Variants in KLHDC4 observed in about 807,000 individuals in gnomAD.
The protein encoded by KLHDC4 is kelch domain-containing protein 4.
A neutral mutation model predicts 62.4 loss-of-function variants in KLHDC4; 90 were observed. The ratio of observed to expected loss-of-function variants is 1.44; its 90% CI spans 1.22 to 1.72. KLHDC4 has a LOEUF of 1.72. Among genes scored for constraint, KLHDC4 ranks in the 40% most tolerant of loss-of-function variants. The pLI is 0.00. For missense variants in KLHDC4, 1,025 were observed against 699.7 expected (o/e 1.47, Z -5.25); for synonymous variants, 386 against 284.4 (o/e 1.36, Z -3.59).
At chr16:87,735,385 G>A (rs914341002) in intron 5 of KLHDC4, among the ~76,000 whole-genome samples, 9 of 151,840 alleles carry the variant, frequency 5.9e-5, no homozygotes, top group Non-Finnish European at 1.2e-4. Flanking sequence ...AGAACCGAGC[G>A]CTGCCACTGC....
downstream of KLHDC4, among the ~76,000 whole-genome samples, chr16:87,706,382 CGTGGGGGGGTTGGT>C (rs144015326): frequency 0.028 from 2,714 of 95,424 alleles, 110 homozygotes; most frequent in African/African-American, 0.11. Context: ...GGGGGGTCGG[CGTGGGGGGGTTGGT>C]CGGCACAACA....
rs140970994 is a variant in KLHDC4 at position 87,727,465 on chromosome 16, G to T, written c.600-541C>A. 2.0e-5 allele frequency among the ~76,000 whole-genome samples: 3 copies of T among 152,298 alleles called. No individual in the cohort carries two copies. In the East Asian group the frequency reaches 5.8e-4, roughly 29 times the overall value. On this transcript the variant is annotated intron_variant, in intron 6 of 11. Coordinates refer to ENST00000270583, the MANE Select transcript of KLHDC4 (RefSeq NM_017566.4). ...GGTAAGGCCCCACAGTGGACTGGAG[G>T]GGTGAGCGAGGGGACTGGGCGCTCC...
At chr16:87,720,339 C>T (rs929362956) in intron 7 of KLHDC4, among the ~76,000 whole-genome samples, 2 of 152,162 alleles carry the variant, frequency 1.3e-5, no homozygotes, top group Non-Finnish European at 1.5e-5. Flanking sequence ...TCCAAGCGGA[C>T]GTGTGTGAAC....
At chr16:87,754,744 T>G (rs1486245454) in intron 4 of KLHDC4, among the ~76,000 whole-genome samples, 1 of 152,186 alleles carries the variant, frequency 6.6e-6, no homozygotes, top group African/African-American at 2.4e-5. Context: ...ACTGCTCTCC[T>G]GGGTAGGAAA....
At chr16:87,702,449 G>A in exon 1 of KLHDC4, 1 of 363,878 alleles carries the variant, frequency 2.7e-6, no homozygotes, top group South Asian at 2.0e-5. Flanking sequence ...TGGGCCTCTG[G>A]GGAGCCCGCG....
chr16:87,718,323 CCCTCTCCCTCCCCCTCT>C (rs1257462120), intron 7 of KLHDC4, among the ~76,000 whole-genome samples: 7 of 74,556 alleles, frequency 9.4e-5, no homozygotes, highest in Non-Finnish European at 1.3e-4. Flanking sequence ...CCCTCCCCCT[CCCTCTCCCTCCCCCTCT>C]CCTCCCCCTC....
chr16:87,765,123 C>T (rs1332839809), intron 1 of KLHDC4: 1 of 455,938 alleles, frequency 2.2e-6, no homozygotes, highest in African/African-American at 2.0e-5. Flanking sequence ...GGCCATAAAA[C>T]TGGCCCCGGT....
chr16:87,709,765 C>T (rs376873605), intron 9 of KLHDC4, 98 bp from the exon 10 acceptor site: 2 of 1,369,118 alleles, frequency 1.5e-6, no homozygotes, highest in African/African-American at 1.5e-5. Flanking sequence ...GCGGGGACCA[C>T]CCACAAGCGT....
chr16:87,734,508 C>A (rs151070855), intron 5 of KLHDC4, among the ~76,000 whole-genome samples: 342 of 152,324 alleles, frequency 2.2e-3, no homozygotes, highest in African/African-American at 7.2e-3. Flanking sequence ...TCGGTTCTCA[C>A]TGCTCAAACG....
intron 6 of KLHDC4, 43 bp from the exon 7 acceptor site, chr16:87,726,967 A>C (rs1455622253): frequency 6.3e-7 from 1 of 1,599,586 alleles, no homozygotes; most frequent in East Asian, 2.2e-5. Flanking sequence ...TAACATTGGG[A>C]AAAGCCCTGA....
At chr16:87,751,022 G>T (rs142952081) in intron 4 of KLHDC4, 1 of 152,256 alleles carries the variant, frequency 6.6e-6, no homozygotes, top group African/African-American at 2.4e-5. Flanking sequence ...AGGAAGTTAG[G>T]TGGCACAACC....
rs529987282 is a variant in KLHDC4 at position 87,716,926 on chromosome 16, C to T, written c.760-2353G>A. On this transcript the variant is annotated intron_variant, in intron 7 of 11. Transcript: ENST00000270583. ...CAGCCTGGGCGACAGAGCGAGACTC[C>T]GTCTCAAAAAAAAGAAAAGAAAAGA... Among the ~76,000 whole-genome samples, 7 of 150,576 alleles carry T rather than the reference C, an allele frequency of 4.6e-5. No homozygotes were observed. The East Asian group carries it at 5.9e-4, about 13-fold the overall frequency.
chr16:87,719,289 G>A (rs1014652781), intron 7 of KLHDC4, among the ~76,000 whole-genome samples: 4 of 152,252 alleles, frequency 2.6e-5, no homozygotes, highest in Admixed American at 6.5e-5. Context: ...GTGCAAAGAG[G>A]TAGACATGGG....
chr16:87,727,650 G>A (rs1425965725), intron 6 of KLHDC4, among the ~76,000 whole-genome samples: 1 of 152,208 alleles, frequency 6.6e-6, no homozygotes, highest in African/African-American at 2.4e-5. Flanking sequence ...GGGAGACTCG[G>A]AGGCGCACCC....
intron 5 of KLHDC4, among the ~76,000 whole-genome samples, chr16:87,736,862 C>T (rs975240530): frequency 1.3e-5 from 2 of 152,086 alleles, no homozygotes; most frequent in Admixed American, 6.6e-5. Flanking sequence ...CGGTGGCTCA[C>T]GCCTGTAATC....
intron 5 of KLHDC4, among the ~76,000 whole-genome samples, chr16:87,744,856 C>CAG (rs2042792836): frequency 6.6e-6 from 1 of 152,072 alleles, no homozygotes. Context: ...TCAGCACACA[C>CAG]TTGCAAGTGC....
chr16:87,728,957 A>C (rs2039860951), intron 6 of KLHDC4, among the ~76,000 whole-genome samples: 1 of 152,104 alleles, frequency 6.6e-6, no homozygotes, highest in Admixed American at 6.6e-5. Flanking sequence ...TGTATTTTTT[A>C]GTAGAGATGA....
chr16:87,739,871 G>C (rs553463314), intron 5 of KLHDC4: 2 of 152,256 alleles, frequency 1.3e-5, no homozygotes, highest in African/African-American at 4.8e-5. Context: ...TTTTCTTTCT[G>C]GGGGATGAAA....
At chr16:87,745,263 T>C (rs8059456) in intron 5 of KLHDC4, among the ~76,000 whole-genome samples, 28,709 of 151,906 alleles carry the variant, frequency 0.19, 2,890 homozygotes, top group South Asian at 0.32. Context: ...TAGGGTGCCC[T>C]CTGCTCCGCC....
Sources: allele counts gnomAD v4.1 joint callset (sites outside exome capture counted in the v4.1 genomes callset), GRCh38; gene constraint gnomAD v4.1.1; transcripts MANE v1.5; gene names NCBI Gene and HGNC (gene_info 2026-07-23, HGNC 2026-07-21).